The following KCNIP4 variants were observed in gnomAD, a reference collection of about 807,000 sequenced individuals.
KCNIP4 encodes the protein potassium voltage-gated channel interacting protein 4.
In KCNIP4, 12 loss-of-function variants were observed where a neutral mutation model predicts 34.0. The ratio of observed to expected loss-of-function variants is 0.35; its 90% CI spans 0.23 to 0.57. The LOEUF (loss-of-function observed/expected upper bound fraction) is 0.57. Among genes scored for constraint, KCNIP4 ranks in the 20% least tolerant of loss-of-function variants. KCNIP4 has a pLI of 0.83. For missense variants in KCNIP4, 238 were observed against 311.7 expected (o/e 0.76, Z 1.78); for synonymous variants, 124 against 102.2 (o/e 1.21, Z -1.29).
Position 21,303,229 on chromosome 4 carries a change from T to C in KCNIP4, c.62-420520A>G, listed in dbSNP as rs374716606. 3.1e-3 allele frequency among the ~76,000 whole-genome samples: 469 copies of C among 152,330 alleles called. 4 individuals are homozygous for C. The highest frequency in any genetic ancestry group is 0.011 in the African/African-American group (437 of 41,580). Reference sequence around the variant, plus strand: ...AAAACAATTGGCTACCTGGAATCTATGTTAAAGTCTGTTATATGAGTTAGA... The same window carrying C: ...AAAACAATTGGCTACCTGGAATCTACGTTAAAGTCTGTTATATGAGTTAGA... On this transcript the variant is annotated intron_variant, in intron 1 of 8. Coordinates refer to ENST00000382152, the MANE Select transcript of KCNIP4 (RefSeq NM_025221.6).
At chr4:21,319,569 C>A (rs1265527351) in intron 1 of KCNIP4, among the ~76,000 whole-genome samples, 2 of 152,172 alleles carry the variant, frequency 1.3e-5, no homozygotes, top group Non-Finnish European at 2.9e-5. Flanking sequence ...TGCTGAATTC[C>A]TCAGAAATTT....
chr4:21,667,044 T>A (rs1244345634), intron 1 of KCNIP4, among the ~76,000 whole-genome samples: 1 of 152,084 alleles, frequency 6.6e-6, no homozygotes, highest in Non-Finnish European at 1.5e-5. Context: ...TAGACAACTA[T>A]AACATTAGAA....
intron 1 of KCNIP4, among the ~76,000 whole-genome samples, chr4:21,601,872 T>A (rs1186365028): frequency 6.6e-6 from 1 of 152,148 alleles, no homozygotes; most frequent in Non-Finnish European, 1.5e-5. Context: ...TGTCACCTCC[T>A]CGGAGAAGCT....
At chr4:21,568,666 T>C (rs1047429996) in intron 1 of KCNIP4, among the ~76,000 whole-genome samples, 1 of 152,136 alleles carries the variant, frequency 6.6e-6, no homozygotes, top group African/African-American at 2.4e-5. Flanking sequence ...TGTTGGACTC[T>C]TGGACTTACC....
chr4:21,424,073 C>T (rs1326830075), intron 1 of KCNIP4, among the ~76,000 whole-genome samples: 1 of 150,766 alleles, frequency 6.6e-6, no homozygotes, highest in Non-Finnish European at 1.5e-5. Context: ...CCCGCCTTGG[C>T]CTCCCAAAGT....
chr4:20,887,188 G>A (rs1725409850), intron 1 of KCNIP4, among the ~76,000 whole-genome samples: 2 of 151,818 alleles, frequency 1.3e-5, no homozygotes, highest in Admixed American at 6.6e-5. Context: ...CTTGAATAGA[G>A]ATGAAAAGGA....
chr4:21,824,923 CA>C (rs1321363566), intron 1 of KCNIP4, among the ~76,000 whole-genome samples: 1 of 152,014 alleles, frequency 6.6e-6, no homozygotes, highest in African/African-American at 2.4e-5. Flanking sequence ...GCCCAGAGAC[CA>C]AAATGGCCAA....
chr4:21,673,817 A>C lies in KCNIP4; in HGVS notation c.61+274754T>G, dbSNP rs140788490. Among the ~76,000 whole-genome samples the C allele has an allele frequency of 5.5e-3, 841 of 152,326 alleles. 3 individuals are homozygous for C. Among genetic ancestry groups the C allele is most frequent in the African/African-American group, 0.016 (653 of 41,570 alleles). ...TTAAAAAACAGCTGATTTCAGGATA[A>C]GTATTAAACAACAGTACCTTACTTC... On this transcript the variant is annotated intron_variant, in intron 1 of 8. Coordinates refer to ENST00000382152, the MANE Select transcript of KCNIP4 (RefSeq NM_025221.6).
At chr4:21,211,325 C>A (rs745906900) in intron 1 of KCNIP4, among the ~76,000 whole-genome samples, 7 of 152,150 alleles carry the variant, frequency 4.6e-5, no homozygotes, top group African/African-American at 7.2e-5. Flanking sequence ...GGGCCACAGA[C>A]CTGTACCAGT....
At chr4:21,559,053 T>C (rs1739301979) in intron 1 of KCNIP4, among the ~76,000 whole-genome samples, 1 of 152,182 alleles carries the variant, frequency 6.6e-6, no homozygotes, top group Admixed American at 6.6e-5. Context: ...AATTTACATA[T>C]AAACTTAGCC....
chr4:21,111,875 T>C (rs1669334550), intron 1 of KCNIP4, among the ~76,000 whole-genome samples: 1 of 152,150 alleles, frequency 6.6e-6, no homozygotes, highest in South Asian at 2.1e-4. Context: ...TGGCACTACA[T>C]AAGCTGCATG....
intron 3 of KCNIP4, among the ~76,000 whole-genome samples, chr4:20,784,160 G>A (rs1711605739): frequency 6.6e-6 from 1 of 152,148 alleles, no homozygotes; most frequent in African/African-American, 2.4e-5. Flanking sequence ...TGAGAGTAGA[G>A]TTTCTAATTC....
Position 20,920,219 on chromosome 4 carries a change from A to G in KCNIP4, c.62-37510T>C, listed in dbSNP as rs552772704. On this transcript the variant is annotated intron_variant, in intron 1 of 8. Transcript: ENST00000382152. ...TATTTTGCCAAAGTTACTCAGTTTT[A>G]AAACCATTCATTTCACGTGATTCTT... Among the ~76,000 whole-genome samples the G allele has an allele frequency of 3.9e-5, 6 of 152,316 alleles. No individual in the cohort carries two copies. The South Asian group carries it at 1.2e-3, about 32-fold the overall frequency.
intron 1 of KCNIP4, among the ~76,000 whole-genome samples, chr4:20,962,272 C>A (rs148803802): frequency 1.5e-3 from 232 of 152,300 alleles, no homozygotes; most frequent in African/African-American, 5.3e-3. Flanking sequence ...ACTCCTGACA[C>A]CTAATTGCAC....
intron 1 of KCNIP4, among the ~76,000 whole-genome samples, chr4:21,696,950 C>A (rs904607260): frequency 5.3e-5 from 8 of 152,072 alleles, no homozygotes; most frequent in Admixed American, 5.2e-4. Context: ...TTACAATAAT[C>A]AAACAGTTCT....
chr4:21,809,059 T>G (rs1005919456), intron 1 of KCNIP4, among the ~76,000 whole-genome samples: 1 of 152,230 alleles, frequency 6.6e-6, no homozygotes, highest in Non-Finnish European at 1.5e-5. Context: ...TCAACTTGAC[T>G]GGGCTGTGGG....
rs144806179 is a variant in KCNIP4 at position 21,461,486 on chromosome 4, A to C, written c.61+487085T>G. ...CTTTATTGTGTTTTACAAAAGTATC[A>C]GTTCATGGCAGATTTAAAGTAATAA... On this transcript the variant is annotated intron_variant, in intron 1 of 8. Transcript: ENST00000382152. Among the ~76,000 whole-genome samples, 205 of 152,040 alleles carry C rather than the reference A, an allele frequency of 1.3e-3. 1 individual carries two copies. Among genetic ancestry groups the C allele is most frequent in the African/African-American group, 4.7e-3 (196 of 41,462 alleles).
At chr4:21,810,648 C>G (rs1035540522) in intron 1 of KCNIP4, among the ~76,000 whole-genome samples, 3 of 144,728 alleles carry the variant, frequency 2.1e-5, no homozygotes, top group African/African-American at 7.8e-5. Flanking sequence ...CGAGATCGCG[C>G]CACTGCACTC....
chr4:21,549,506 C>T (rs891252089), intron 1 of KCNIP4, among the ~76,000 whole-genome samples: 3 of 151,894 alleles, frequency 2.0e-5, no homozygotes. Flanking sequence ...CATGCCTGCT[C>T]CCCCTTTGCT....
Sources: allele counts gnomAD v4.1 joint callset (sites outside exome capture counted in the v4.1 genomes callset), GRCh38; gene constraint gnomAD v4.1.1; transcripts MANE v1.5; gene names NCBI Gene and HGNC (gene_info 2026-07-23, HGNC 2026-07-21).